The following TAFA5 variants were observed in gnomAD, a reference collection of about 807,000 sequenced individuals.
TAFA5 encodes the protein chemokine-like protein TAFA-5.
A neutral mutation model predicts 15.3 loss-of-function variants in TAFA5; 6 were observed. The ratio of observed to expected loss-of-function variants is 0.39; its 90% confidence interval spans 0.21 to 0.77. TAFA5 has a LOEUF of 0.77. TAFA5 is among the 30% of genes least tolerant of loss of function. TAFA5 has a pLI of 0.41. For synonymous variants in TAFA5, 103 were observed against 80.7 expected (o/e 1.28, Z -1.48); for missense variants, 161 against 193.1 (o/e 0.83, Z 0.98).
intron 1 of TAFA5, among the ~76,000 whole-genome samples, chr22:48,513,569 A>G (rs1219007767): frequency 6.6e-6 from 1 of 152,206 alleles, no homozygotes; most frequent in African/African-American, 2.4e-5. Flanking sequence ...GAGGCTTCCC[A>G]AGGCTGAAGT....
intron 1 of TAFA5, among the ~76,000 whole-genome samples, chr22:48,501,177 A>G (rs1290094295): frequency 6.6e-6 from 1 of 152,118 alleles, no homozygotes; most frequent in East Asian, 1.9e-4. Context: ...GCGCTGCCAC[A>G]AGACTGGCTC....
chr22:48,571,266 GTTTGC>G (rs1923570681), intron 1 of TAFA5, among the ~76,000 whole-genome samples: 1 of 110,778 alleles, frequency 9.0e-6, no homozygotes, highest in African/African-American at 3.2e-5. Flanking sequence ...TGTTGTTGTT[GTTTGC>G]TTTTTTTTTT....
At chr22:48,554,212 G>A (rs1016522969) in intron 1 of TAFA5, among the ~76,000 whole-genome samples, 3 of 152,290 alleles carry the variant, frequency 2.0e-5, no homozygotes, top group Admixed American at 2.0e-4. Context: ...GCTCCCGGGT[G>A]TCTGGGCTTC....
chr22:48,649,532 A>G (rs1926980940), intron 2 of TAFA5, among the ~76,000 whole-genome samples: 1 of 152,156 alleles, frequency 6.6e-6, no homozygotes, highest in African/African-American at 2.4e-5. Flanking sequence ...CATCTGTAGA[A>G]GGCATCTGAT....
chr22:48,706,217 C>T lies in TAFA5; in HGVS notation c.263-1500C>T, dbSNP rs574905259. ...GCCAGTGGACCCATCAAACATTGAGCCCCAGGAAGGAGGGACCCAAAGGAA... is the reference window on the plus strand; with the variant it reads ...GCCAGTGGACCCATCAAACATTGAGTCCCAGGAAGGAGGGACCCAAAGGAA... On this transcript the variant is annotated intron_variant, in intron 2 of 3. Coordinates refer to ENST00000402357, the MANE Select transcript of TAFA5 (RefSeq NM_001082967.3). 2.0e-5 allele frequency among the ~76,000 whole-genome samples: 3 copies of T among 152,308 alleles called. No individual in the cohort carries two copies. In the East Asian group the frequency reaches 5.8e-4, roughly 29 times the overall value.
At chr22:48,649,139 G>T (rs181003282) in intron 2 of TAFA5, among the ~76,000 whole-genome samples, 3 of 152,216 alleles carry the variant, frequency 2.0e-5, no homozygotes, top group Non-Finnish European at 4.4e-5. Flanking sequence ...TTGGCTGAAG[G>T]GAGCATGCCT....
chr22:48,561,840 C>T (rs1315401881), intron 1 of TAFA5, among the ~76,000 whole-genome samples: 17 of 152,318 alleles, frequency 1.1e-4, no homozygotes, highest in African/African-American at 2.2e-4. Context: ...AGCACGGCTG[C>T]GTGGGGACCA....
intron 1 of TAFA5, among the ~76,000 whole-genome samples, chr22:48,646,047 C>T (rs1006412526): frequency 5.9e-5 from 9 of 152,192 alleles, no homozygotes; most frequent in Non-Finnish European, 7.3e-5. Context: ...CCCGCCTGCT[C>T]GTTCCTCTGT....
chr22:48,609,259 A>T (rs1925309944), intron 1 of TAFA5, among the ~76,000 whole-genome samples: 1 of 152,206 alleles, frequency 6.6e-6, no homozygotes. Context: ...GTTTTCAGAA[A>T]TCAAAGACAC....
chr22:48,634,900 G>A lies in TAFA5; in HGVS notation c.113-11697G>A, dbSNP rs73429947. On this transcript the variant is annotated intron_variant, in intron 1 of 3. Transcript: ENST00000402357. Reference sequence around the variant, plus strand: ...GGGACAGGAAGGAGCCAGCCCATGGGGCATCTGGGAGGAGCTTGCTGCACT... The same window carrying A: ...GGGACAGGAAGGAGCCAGCCCATGGAGCATCTGGGAGGAGCTTGCTGCACT... Among the ~76,000 whole-genome samples, 610 of 152,332 alleles carry A rather than the reference G, an allele frequency of 4.0e-3. 5 individuals carry two copies. Among genetic ancestry groups the A allele is most frequent in the African/African-American group, 0.014 (588 of 41,568 alleles).
chr22:48,686,916 ATGGATGGATGGATGGATGG>A (rs1928376201), intron 2 of TAFA5, among the ~76,000 whole-genome samples: 2 of 137,392 alleles, frequency 1.5e-5, no homozygotes, highest in Non-Finnish European at 3.0e-5. Flanking sequence ...GGATGGATGG[ATGGATGGATGGATGGATGG>A]ATGGATTGGT....
In TAFA5 at chr22:48,682,069, G is replaced by A. The variant is rs540033385; in HGVS notation, c.263-25648G>A. Among the ~76,000 whole-genome samples, 357 of 56,418 alleles carry A rather than the reference G, an allele frequency of 6.3e-3. 69 individuals carry two copies. The highest frequency in any genetic ancestry group is 0.014 in the African/African-American group (333 of 23,180). 37.0% of individuals were successfully genotyped at this position (56,418 alleles called of 152,430 possible). On this transcript the variant is annotated intron_variant, in intron 2 of 3. Transcript: ENST00000402357. ...CCTCAGCTTCCCATCGATCCCATTCGTGGAGCACAGTGGGTGTTTGATGAC... is the reference window on the plus strand; with the variant it reads ...CCTCAGCTTCCCATCGATCCCATTCATGGAGCACAGTGGGTGTTTGATGAC...
chr22:48,655,154 G>T (rs1927190270), intron 2 of TAFA5, among the ~76,000 whole-genome samples: 1 of 152,174 alleles, frequency 6.6e-6, no homozygotes, highest in Admixed American at 6.5e-5. Context: ...AGGCATGAGT[G>T]GGGGTCCACT....
intron 3 of TAFA5, among the ~76,000 whole-genome samples, chr22:48,737,274 C>G (rs1334480394): frequency 6.6e-6 from 1 of 152,348 alleles, no homozygotes; most frequent in South Asian, 2.1e-4. Flanking sequence ...AACCTGAGAA[C>G]GTGGCTGGGC....
intron 2 of TAFA5, among the ~76,000 whole-genome samples, chr22:48,677,957 C>A (rs1024356027): frequency 2.6e-5 from 4 of 152,078 alleles, no homozygotes; most frequent in African/African-American, 7.2e-5. Context: ...GTCCCCCAGG[C>A]CTCCCTAGAC....
At chr22:48,713,883 C>T (rs936675226) in intron 3 of TAFA5, among the ~76,000 whole-genome samples, 4 of 152,224 alleles carry the variant, frequency 2.6e-5, no homozygotes, top group African/African-American at 9.6e-5. Flanking sequence ...ATTCTGAGGG[C>T]TTAGCATGTG....
intron 2 of TAFA5, among the ~76,000 whole-genome samples, chr22:48,672,623 ATGATGGCTGTG>A (rs1195431714): frequency 1.3e-5 from 2 of 152,216 alleles, no homozygotes; most frequent in Non-Finnish European, 2.9e-5. Flanking sequence ...CCCAGCCTAC[ATGATGGCTGTG>A]TGATACCTCA....
intron 1 of TAFA5, among the ~76,000 whole-genome samples, chr22:48,615,586 GGTGAT>G (rs1264565352): frequency 2.0e-5 from 3 of 152,216 alleles, no homozygotes; most frequent in African/African-American, 7.2e-5. Flanking sequence ...CTATTTACAA[GGTGAT>G]TCTCCTGCGG....
At chr22:48,711,353 G>A (rs965823720) in intron 3 of TAFA5, among the ~76,000 whole-genome samples, 7 of 151,826 alleles carry the variant, frequency 4.6e-5, no homozygotes, top group African/African-American at 1.5e-4. Context: ...TACATGGGCC[G>A]CGGATGCCTG....
Sources: allele counts gnomAD v4.1 joint callset (sites outside exome capture counted in the v4.1 genomes callset), GRCh38; gene constraint gnomAD v4.1.1; transcripts MANE v1.5; gene names NCBI Gene and HGNC (gene_info 2026-07-23, HGNC 2026-07-21).